The following PIBF1 variants were observed in gnomAD, a reference collection of about 807,000 sequenced individuals.
PIBF1 encodes progesterone-induced-blocking factor 1.
A neutral mutation model predicts 112.5 loss-of-function variants in PIBF1; 90 were observed. The ratio of observed to expected loss-of-function variants is 0.80; its 90% CI spans 0.67 to 0.95. PIBF1 has a LOEUF of 0.95. Among genes scored for constraint, PIBF1 ranks in the 40% least tolerant of loss-of-function variants. The probability of loss-of-function intolerance (pLI) is 0.00; values close to 1 mark genes in which losing one functional copy is unlikely to be tolerated. For synonymous variants in PIBF1, 301 were observed against 288.6 expected (o/e 1.04, Z -0.44); for missense variants, 915 against 852.3 (o/e 1.07, Z -0.92).
chr13:72,865,782 C>G (rs542417051), intron 10 of PIBF1, among the ~76,000 whole-genome samples: 1 of 152,166 alleles, frequency 6.6e-6, no homozygotes, highest in Non-Finnish European at 1.5e-5. Flanking sequence ...GTATGTTATA[C>G]TTAGTAAACA....
At chr13:72,878,858 G>T (rs946456654) in intron 10 of PIBF1, among the ~76,000 whole-genome samples, 1 of 152,120 alleles carries the variant, frequency 6.6e-6, no homozygotes, top group Non-Finnish European at 1.5e-5. Flanking sequence ...TTATCATGTA[G>T]TGCCCCTCTT....
intron 14 of PIBF1, among the ~76,000 whole-genome samples, chr13:72,958,759 G>C (rs181672066): frequency 6.6e-6 from 1 of 152,156 alleles, no homozygotes. Flanking sequence ...TGTTAATCAC[G>C]TGGGAACATG....
chr13:72,918,351 G>A (rs1022221409), intron 13 of PIBF1, among the ~76,000 whole-genome samples: 2 of 149,948 alleles, frequency 1.3e-5, no homozygotes, highest in African/African-American at 4.9e-5. Context: ...TACCCATCTA[G>A]ATGGAAAGTT....
intron 16 of PIBF1, among the ~76,000 whole-genome samples, chr13:72,975,616 A>C (rs544521300): frequency 1.8e-4 from 27 of 152,266 alleles, no homozygotes; most frequent in Admixed American, 1.7e-3. Context: ...AAAGGATGAG[A>C]AAGTGTCCCA....
chr13:73,000,018 C>T (rs939162577), intron 17 of PIBF1, among the ~76,000 whole-genome samples: 6 of 152,086 alleles, frequency 3.9e-5, no homozygotes, highest in South Asian at 2.1e-4. Context: ...ACCACCTTGG[C>T]GAGAGAGTGA....
chr13:72,977,421 T>G (rs2043051447), intron 16 of PIBF1, among the ~76,000 whole-genome samples: 1 of 152,134 alleles, frequency 6.6e-6, no homozygotes, highest in African/African-American at 2.4e-5. Flanking sequence ...TTGGCTAGAC[T>G]GGTCTCAAAC....
intron 3 of PIBF1, among the ~76,000 whole-genome samples, chr13:72,793,331 A>G (rs1255761860): frequency 6.6e-6 from 1 of 152,194 alleles, no homozygotes; most frequent in African/African-American, 2.4e-5. Context: ...CTTAACTGAT[A>G]TTGTAAAAAA....
chr13:72,841,966 A>G (rs534329026), intron 9 of PIBF1, among the ~76,000 whole-genome samples: 4 of 152,308 alleles, frequency 2.6e-5, no homozygotes, highest in African/African-American at 9.6e-5. Flanking sequence ...ACCATTATAT[A>G]AAAGTCATCT....
chr13:72,927,288 G>A (rs957925958), intron 13 of PIBF1, among the ~76,000 whole-genome samples: 2 of 152,024 alleles, frequency 1.3e-5, no homozygotes, highest in African/African-American at 4.8e-5. Flanking sequence ...GGCGGATCAC[G>A]AGGTCAGGAG....
At chr13:72,851,071 C>T (rs923612805) in intron 9 of PIBF1, among the ~76,000 whole-genome samples, 1 of 152,174 alleles carries the variant, frequency 6.6e-6, no homozygotes, top group Non-Finnish European at 1.5e-5. Context: ...ATGGCAGCAG[C>T]GGCCCATCTG....
At chr13:72,986,640 A>G (rs150545884) in intron 16 of PIBF1, among the ~76,000 whole-genome samples, 9 of 150,770 alleles carry the variant, frequency 6.0e-5, no homozygotes, top group African/African-American at 2.2e-4. Flanking sequence ...GCCTTCAGTC[A>G]TAGATAGGGT....
chr13:72,897,399 C>A (rs1188311748), intron 11 of PIBF1, among the ~76,000 whole-genome samples: 5 of 152,008 alleles, frequency 3.3e-5, no homozygotes, highest in Non-Finnish European at 5.9e-5. Flanking sequence ...AGTTAAAAAT[C>A]AAAAACAACA....
chr13:72,897,865 T>A, intron 11 of PIBF1, among the ~76,000 whole-genome samples: 1 of 152,122 alleles, frequency 6.6e-6, no homozygotes, highest in Non-Finnish European at 1.5e-5. Flanking sequence ...GGGACTTCAG[T>A]ACTCCACTGA....
intron 9 of PIBF1, among the ~76,000 whole-genome samples, chr13:72,842,994 G>A (rs904494946): frequency 6.6e-6 from 1 of 152,142 alleles, no homozygotes; most frequent in East Asian, 1.9e-4. Flanking sequence ...ATGAAGCAAG[G>A]TAAGTTCAGG....
chr13:72,784,156 T>C (rs2034461685), intron 2 of PIBF1, among the ~76,000 whole-genome samples: 1 of 151,976 alleles, frequency 6.6e-6, no homozygotes. Context: ...AATGTACGTA[T>C]ACTTCAAAAC....
At chr13:72,823,888 T>A (rs1207964157) in intron 6 of PIBF1, among the ~76,000 whole-genome samples, 2 of 152,164 alleles carry the variant, frequency 1.3e-5, no homozygotes, top group African/African-American at 4.8e-5. Flanking sequence ...GAATGCTATT[T>A]AGAAATTTAG....
At chr13:72,910,246 G>T (rs2040849164) in intron 12 of PIBF1, among the ~76,000 whole-genome samples, 3 of 152,038 alleles carry the variant, frequency 2.0e-5, no homozygotes, top group Non-Finnish European at 4.4e-5. Context: ...AGTAATCTTT[G>T]TAACATTCAA....
chr13:72,896,523 T>C (rs1212610709), intron 11 of PIBF1, among the ~76,000 whole-genome samples: 1 of 151,910 alleles, frequency 6.6e-6, no homozygotes, highest in Non-Finnish European at 1.5e-5. Flanking sequence ...CAGAGAAAGG[T>C]GAAGCCCAGT....
chr13:72,829,735 T>C (rs1593996663), intron 8 of PIBF1, among the ~76,000 whole-genome samples: 3 of 152,216 alleles, frequency 2.0e-5, no homozygotes, highest in Non-Finnish European at 4.4e-5. Flanking sequence ...TTTCTTCTTC[T>C]TGCCCAGAAT....
Sources: gnomAD v4.1 joint callset for allele counts (sites outside exome capture counted in the v4.1 genomes callset) on GRCh38, gnomAD v4.1.1 for gene constraint, MANE v1.5 for transcripts, NCBI Gene and HGNC (gene_info 2026-07-23, HGNC 2026-07-21) for gene names.